Variants in HNRNPUL1 observed in about 807,000 individuals in gnomAD.
The protein encoded by HNRNPUL1 is heterogeneous nuclear ribonucleoprotein U like 1.
In HNRNPUL1, 14 loss-of-function variants were observed where a neutral mutation model predicts 108.5. The ratio of observed to expected loss-of-function variants is 0.13; its 90% CI spans 0.09 to 0.20. The LOEUF (loss-of-function observed/expected upper bound fraction) is 0.20. Among genes scored for constraint, HNRNPUL1 ranks in the 10% least tolerant of loss-of-function variants. The pLI is 1.00. For synonymous variants in HNRNPUL1, 422 were observed against 445.2 expected (o/e 0.95, Z 0.66); for missense variants, 804 against 1,168.3 (o/e 0.69, Z 4.55).
At chr19:41,283,735 G>A (rs542944221) in intron 7 of HNRNPUL1, among the ~76,000 whole-genome samples, 2 of 152,220 alleles carry the variant, frequency 1.3e-5, no homozygotes, top group Admixed American at 6.5e-5. Context: ...GGATTACCAA[G>A]TGTGAGCCAC....
At chr19:41,277,325 TCA>T (rs1039855879) in intron 5 of HNRNPUL1, among the ~76,000 whole-genome samples, 84 of 152,286 alleles carry the variant, frequency 5.5e-4, no homozygotes, top group African/African-American at 1.9e-3. Flanking sequence ...CCATTAATCC[TCA>T]CAGTACCATC....
In HNRNPUL1 at chr19:41,264,419, T is replaced by G; in HGVS notation, c.-85T>G. 8.6e-7 allele frequency: 1 copy of G among 1,165,704 alleles called. No individual in the cohort carries two copies. Among genetic ancestry groups the G allele is most frequent in the Non-Finnish European group, 1.1e-6 (1 of 910,450 alleles). The allele number at this position is 1,165,704 out of a possible 1,614,324, so 72.2% of individuals were successfully genotyped here. On this transcript the variant is annotated 5_prime_UTR_variant, in exon 1 of 15. Coordinates refer to ENST00000392006, the MANE Select transcript of HNRNPUL1 (RefSeq NM_007040.6). ...GGAGTGGGCCCCCCCCCTTTCCCCCTTCGCCTCCTGACAGGAAAGGTTTAA... is the reference window on the plus strand; with the variant it reads ...GGAGTGGGCCCCCCCCCTTTCCCCCGTCGCCTCCTGACAGGAAAGGTTTAA...
chr19:41,264,104 C>T (rs145777054), upstream of HNRNPUL1, among the ~76,000 whole-genome samples: 97 of 152,334 alleles, frequency 6.4e-4, no homozygotes, highest in African/African-American at 2.2e-3. Context: ...TTTCATTGGA[C>T]CTTACGGCAG....
intron 7 of HNRNPUL1, among the ~76,000 whole-genome samples, chr19:41,282,528 T>C (rs2035958455): frequency 6.6e-6 from 1 of 152,042 alleles, no homozygotes; most frequent in South Asian, 2.1e-4. Flanking sequence ...TCGGAAAAGC[T>C]TGAGAATAAA....
chr19:41,284,452 G>A (rs990727043), intron 7 of HNRNPUL1, among the ~76,000 whole-genome samples: 2 of 151,070 alleles, frequency 1.3e-5, no homozygotes, highest in African/African-American at 4.9e-5. Context: ...GATCGCTTGA[G>A]CCCAGGAGTT....
chr19:41,268,201 C>G lies in HNRNPUL1; in HGVS notation c.296-22C>G, dbSNP rs145628803. ...CTTCATGAACCGCCCCTCTAATTGG[C>G]CATTTTTAATTTTGTTTTAAGATGC... On this transcript the variant is annotated intron_variant, in intron 1 of 14. Coordinates refer to ENST00000392006, the MANE Select transcript of HNRNPUL1 (RefSeq NM_007040.6). The G allele has an allele frequency of 2.5e-6, 4 of 1,610,506 alleles. No individual in the cohort carries two copies. In the African/African-American group the frequency reaches 4.0e-5, roughly 16 times the overall value.
In HNRNPUL1 at chr19:41,264,537, C is replaced by T. The variant is rs753709122; in HGVS notation, c.34C>T (p.Arg12Cys). The change falls in exon 1 of 15, where the codon CGC becomes TGC. Residue 12 changes from arginine to cysteine, a missense_variant. Arg to Cys is a radical substitution (Grantham distance 180). This residue lies in a region of HNRNPUL1 where 256 missense variants were observed against 261.6 expected (regional missense o/e 0.98). Coordinates refer to ENST00000392006, the MANE Select transcript of HNRNPUL1 (RefSeq NM_007040.6). Reference protein sequence around the residue: ...DVRRLKVNELREELQRRGLDT... With the variant: ...DVRRLKVNELCEELQRRGLDT... ...GCGCCGTCTGAAGGTGAACGAACTT[C>T]GCGAGGAGCTGCAGCGCCGCGGCCT... 1.0e-5 allele frequency: 15 copies of T among 1,483,800 alleles called. No individual in the cohort carries two copies. Among genetic ancestry groups the T allele is most frequent in the East Asian group, 2.7e-5 (1 of 37,220 alleles). The allele number at this position is 1,483,800 out of a possible 1,614,324, so 91.9% of individuals were successfully genotyped here. A position where few individuals can be genotyped will look rare whatever the true frequency, so the allele number is the denominator to read the frequency against.
At chr19:41,293,458 G>A (rs919529329) in intron 8 of HNRNPUL1, among the ~76,000 whole-genome samples, 3 of 152,054 alleles carry the variant, frequency 2.0e-5, no homozygotes, top group Admixed American at 2.0e-4. Context: ...ATCCTTCAAG[G>A]GAATGAACGT....
rs941383349 is a variant in HNRNPUL1 at position 41,296,668 on chromosome 19, G to C, written c.1518+1982G>C. Among the ~76,000 whole-genome samples the C allele has an allele frequency of 3.9e-5, 6 of 152,362 alleles. No individual in the cohort carries two copies. The East Asian group carries it at 1.2e-3, about 29-fold the overall frequency. ...TGTGTGTTTGTGTATAGAGGGTTCA[G>C]AGCAGGCCCCTGGCCAATCCTGGCA... is the stretch of plus-strand genomic sequence containing the variant. On this transcript the variant is annotated intron_variant, in intron 10 of 14. Coordinates refer to ENST00000392006, the MANE Select transcript of HNRNPUL1 (RefSeq NM_007040.6).
chr19:41,269,605 C>G (rs896934047), intron 2 of HNRNPUL1, among the ~76,000 whole-genome samples: 2 of 151,562 alleles, frequency 1.3e-5, no homozygotes, highest in African/African-American at 2.4e-5. Context: ...GAATCCAAGA[C>G]TAGCCTGGCA....
Position 41,279,148 on chromosome 19 carries a change from G to A in HNRNPUL1, c.858G>A (p.Trp286Ter). 6.2e-7 allele frequency: 1 copy of A among 1,613,700 alleles called. No individual in the cohort carries two copies. The highest frequency in any genetic ancestry group is 8.5e-7 in the Non-Finnish European group (1 of 1,179,938). Residue 286 changes from tryptophan (W) to a stop codon, truncating the protein, a stop_gained, in exon 6 of 15, where the codon TGG becomes TGA. Coordinates refer to ENST00000392006, the MANE Select transcript of HNRNPUL1 (RefSeq NM_007040.6). LOFTEE classifies it high-confidence loss of function. ...EPDPHVVRIG[W>*]SLDSCSTQLG... ...ACCCCCACGTGGTCCGTATCGGCTG[G>A]TCCCTGGACTCCTGCAGCACCCAGC...
intron 2 of HNRNPUL1, among the ~76,000 whole-genome samples, 166 bp from the exon 3 acceptor site, chr19:41,271,916 T>A (rs1311308359): frequency 2.0e-5 from 3 of 152,172 alleles, no homozygotes; most frequent in Non-Finnish European, 2.9e-5. Context: ...ATGGCCTTCT[T>A]GGCTGGCTCA....
At chr19:41,297,765 G>A (rs1294226324) in intron 10 of HNRNPUL1, among the ~76,000 whole-genome samples, 2 of 152,198 alleles carry the variant, frequency 1.3e-5, no homozygotes, top group Non-Finnish European at 1.5e-5. Flanking sequence ...ATGGGTTGAC[G>A]TCACAGTCAG....
Position 41,264,521 on chromosome 19 carries a change from G to T in HNRNPUL1, c.18G>T (p.Leu6=). The T allele has an allele frequency of 2.1e-6, 3 of 1,459,518 alleles. No homozygotes were observed. The highest frequency in any genetic ancestry group is 9.0e-7 in the Non-Finnish European group (1 of 1,105,982). The allele number at this position is 1,459,518 out of a possible 1,614,324, so 90.4% of individuals were successfully genotyped here. A position where few individuals can be genotyped will look rare whatever the true frequency, so the allele number is the denominator to read the frequency against. Residue 6 remains leucine, a synonymous_variant, in exon 1 of 15, where the codon CTG becomes CTT. Transcript: ENST00000392006. ...CCCGGGCCATGGATGTGCGCCGTCTGAAGGTGAACGAACTTCGCGAGGAGC... is the reference window on the plus strand; with the variant it reads ...CCCGGGCCATGGATGTGCGCCGTCTTAAGGTGAACGAACTTCGCGAGGAGC... MDVRR[L]KVNELREELQ...
At chr19:41,265,147 C>T (rs759006033) in intron 1 of HNRNPUL1, 60 of 1,418,432 alleles carry the variant, frequency 4.2e-5, no homozygotes, top group Non-Finnish European at 5.4e-5. Flanking sequence ...TGGGGAGGGT[C>T]TCGAAAATGG....
chr19:41,289,473 C>T (rs1178967619), intron 7 of HNRNPUL1, among the ~76,000 whole-genome samples: 1 of 152,166 alleles, frequency 6.6e-6, no homozygotes, highest in Non-Finnish European at 1.5e-5. Flanking sequence ...ATAAAAATGG[C>T]AGGCTCTGAA....
chr19:41,285,338 C>T (rs2036158990), intron 7 of HNRNPUL1, among the ~76,000 whole-genome samples: 1 of 152,122 alleles, frequency 6.6e-6, no homozygotes, highest in African/African-American at 2.4e-5. Flanking sequence ...GCTATTCTAC[C>T]TCAGCGACCC....
chr19:41,290,037 A>G (rs1012921182), intron 7 of HNRNPUL1, among the ~76,000 whole-genome samples: 1 of 152,102 alleles, frequency 6.6e-6, no homozygotes, highest in African/African-American at 2.4e-5. Context: ...ACGTGGGTGC[A>G]TGCTTAGAGA....
chr19:41,302,723 G>T lies in HNRNPUL1; in HGVS notation c.1746G>T (p.Leu582=), dbSNP rs568761002. The T allele has an allele frequency of 1.9e-6, 3 of 1,614,188 alleles. No homozygotes were observed. The highest frequency in any genetic ancestry group is 2.5e-6 in the Non-Finnish European group (3 of 1,180,036). The change falls in exon 12 of 15, where the codon CTG becomes CTT. Residue 582 remains leucine (L), a synonymous_variant. Coordinates refer to ENST00000392006, the MANE Select transcript of HNRNPUL1 (RefSeq NM_007040.6). ...DFLDEVLFIE[L]QREEADKLVR... is the part of the protein sequence containing the mutation. ...TGGATGAGGTTCTGTTCATTGAGCT[G>T]CAGCGGGAGGAAGCGGACAAGCTAG...
Sources: allele counts gnomAD v4.1 joint callset (sites outside exome capture counted in the v4.1 genomes callset), GRCh38; gene constraint gnomAD v4.1.1; regional missense constraint gnomAD v4.1.1; transcripts MANE v1.5; gene names NCBI Gene and HGNC (gene_info 2026-07-23, HGNC 2026-07-21).